The following SLC1A2 variants were observed in gnomAD, a reference collection of about 807,000 sequenced individuals.
SLC1A2 encodes the protein solute carrier family 1 member 2.
SLC1A2 carries 15 observed loss-of-function variants against 48.8 expected under a neutral mutation model. The ratio of observed to expected loss-of-function variants is 0.31; its 90% CI spans 0.21 to 0.47. The LOEUF (loss-of-function observed/expected upper bound fraction) is 0.47. Among genes scored for constraint, SLC1A2 ranks in the 20% least tolerant of loss-of-function variants. SLC1A2 has a pLI of 0.99. For synonymous variants in SLC1A2, 279 were observed against 272.6 expected (o/e 1.02, Z -0.23); for missense variants, 502 against 730.5 (o/e 0.69, Z 3.61).
rs183917052 is a variant in SLC1A2 at position 35,315,075 on chromosome 11, C to G, written c.258G>C (p.Met86Ile). 6.2e-7 allele frequency: 1 copy of G among 1,613,186 alleles called. No individual in the cohort carries two copies. Among genetic ancestry groups the G allele is most frequent in the African/African-American group, 1.3e-5 (1 of 74,998 alleles). ...GGAGAATGAGCATTTTTAGCATCCT[C>G]ATGAGTATATCCCCTGGGAAGGCTA... is the stretch of plus-strand genomic sequence containing the variant. ...MLIAFPGDIL[M>I]RMLKMLILPL... Residue 86 changes from methionine (M) to isoleucine (I), a missense_variant, in exon 3 of 11, where the codon ATG (methionine) becomes ATC (isoleucine). Met to Ile is a conservative substitution (Grantham distance 10). Transcript: ENST00000278379.
At chr11:35,310,971 C>T (rs1244629221) in intron 4 of SLC1A2, among the ~76,000 whole-genome samples, 1 of 152,050 alleles carries the variant, frequency 6.6e-6, no homozygotes, top group Non-Finnish European at 1.5e-5. Context: ...ATACAAAACT[C>T]CTTGTCCTGA....
intron 1 of SLC1A2, 45 bp from the exon 2 acceptor site, chr11:35,317,561 C>T: frequency 6.3e-7 from 1 of 1,586,320 alleles, no homozygotes; most frequent in Non-Finnish European, 8.6e-7. Flanking sequence ...TGGCACCTCC[C>T]CTATACAGTT....
Position 35,251,634 on chromosome 11 carries a change from A to C in SLC1A2, c.*9260T>G, listed in dbSNP as rs1015312401. The C allele has an allele frequency of 3.3e-5, 5 of 152,558 alleles. No individual in the cohort carries two copies. The highest frequency in any genetic ancestry group is 1.2e-4 in the African/African-American group (5 of 41,460). The allele number at this position is 152,558 out of a possible 1,614,324, so 9.5% of individuals were successfully genotyped here. ...TCAAAGAGAATCCTGCATAAAGCCCAGTTTTATTTCAGGAAGTATTCCATC... is the reference window on the plus strand; with the variant it reads ...TCAAAGAGAATCCTGCATAAAGCCCCGTTTTATTTCAGGAAGTATTCCATC... On this transcript the variant is annotated 3_prime_UTR_variant, in exon 11 of 11. Transcript: ENST00000278379.
At chr11:35,280,608 G>A (rs539922994) in intron 9 of SLC1A2, 1 of 416,700 alleles carries the variant, frequency 2.4e-6, no homozygotes, top group Non-Finnish European at 4.2e-6. Context: ...ATCAGTAGCT[G>A]GTTCCTTATT....
At chr11:35,380,896 T>G (rs7101653) in intron 1 of SLC1A2, among the ~76,000 whole-genome samples, 9 of 152,230 alleles carry the variant, frequency 5.9e-5, no homozygotes, top group Admixed American at 4.6e-4. Context: ...GGATTCACAG[T>G]GACTGCTAAA....
At chr11:35,351,255 T>C (rs949610573) in intron 1 of SLC1A2, among the ~76,000 whole-genome samples, 1 of 152,250 alleles carries the variant, frequency 6.6e-6, no homozygotes, top group African/African-American at 2.4e-5. Flanking sequence ...AGGAATGCTT[T>C]ACTTACGAGC....
chr11:35,381,401 C>T (rs1854418397), intron 1 of SLC1A2, among the ~76,000 whole-genome samples: 1 of 152,148 alleles, frequency 6.6e-6, no homozygotes, highest in Non-Finnish European at 1.5e-5. Context: ...CCTGAAAGGA[C>T]AACAACCCAG....
In SLC1A2 at chr11:35,355,418, G is replaced by A. The variant is rs757791519; in HGVS notation, c.18-37902C>T. On this transcript the variant is annotated intron_variant, in intron 1 of 10. Coordinates refer to ENST00000278379, the MANE Select transcript of SLC1A2 (RefSeq NM_004171.4). ...TTTTTTCTGTGTTTTTCCATAATTCGCACCATTTCAGATGATTAGCACTTG... is the reference window on the plus strand; with the variant it reads ...TTTTTTCTGTGTTTTTCCATAATTCACACCATTTCAGATGATTAGCACTTG... 2.0e-3 allele frequency among the ~76,000 whole-genome samples: 311 copies of A among 151,968 alleles called. 6 individuals carry two copies. Among genetic ancestry groups the A allele is most frequent in the Non-Finnish European group, 1.8e-3 (124 of 67,996 alleles).
intron 1 of SLC1A2, among the ~76,000 whole-genome samples, chr11:35,330,278 C>T (rs1852385664): frequency 6.6e-6 from 1 of 152,216 alleles, no homozygotes. Flanking sequence ...CTGGTCACTT[C>T]CCCACTCCCC....
intron 1 of SLC1A2, among the ~76,000 whole-genome samples, chr11:35,351,091 T>C (rs1853233755): frequency 6.6e-6 from 1 of 152,232 alleles, no homozygotes; most frequent in African/African-American, 2.4e-5. Context: ...ATTCATTGAG[T>C]ACTTACTCTG....
intron 9 of SLC1A2, among the ~76,000 whole-genome samples, chr11:35,271,610 G>A (rs1850281032): frequency 1.3e-5 from 2 of 152,200 alleles, no homozygotes; most frequent in Non-Finnish European, 2.9e-5. Flanking sequence ...CTGGGAGGCT[G>A]AGGTGGGTGG....
intron 1 of SLC1A2, among the ~76,000 whole-genome samples, chr11:35,342,909 T>G (rs2135043517): frequency 6.6e-6 from 1 of 152,348 alleles, no homozygotes; most frequent in Non-Finnish European, 1.5e-5. Flanking sequence ...CCATTCACAC[T>G]CAAGTTCATG....
intron 1 of SLC1A2, among the ~76,000 whole-genome samples, chr11:35,357,268 A>G (rs1853510594): frequency 6.6e-6 from 1 of 152,006 alleles, no homozygotes. Flanking sequence ...AAAAAAAAAA[A>G]AAAAAGTAAG....
intron 1 of SLC1A2, among the ~76,000 whole-genome samples, chr11:35,377,586 T>A (rs1049018362): frequency 2.0e-5 from 3 of 152,098 alleles, no homozygotes; most frequent in Non-Finnish European, 2.9e-5. Flanking sequence ...AGCCCACACA[T>A]CCCTGATGGC....
At chr11:35,289,310 T>C (rs1408128424) in intron 7 of SLC1A2, among the ~76,000 whole-genome samples, 1 of 151,952 alleles carries the variant, frequency 6.6e-6, no homozygotes, top group South Asian at 2.1e-4. Flanking sequence ...CATTTTTTTT[T>C]TTCTTCTCTG....
intron 1 of SLC1A2, among the ~76,000 whole-genome samples, chr11:35,382,955 G>T (rs1055234798): frequency 2.0e-5 from 3 of 152,030 alleles, no homozygotes; most frequent in African/African-American, 7.2e-5. Context: ...CTACCTGCAC[G>T]CTCCAAAAGT....
At chr11:35,310,405 T>C (rs1431472953) in intron 4 of SLC1A2, among the ~76,000 whole-genome samples, 1 of 152,244 alleles carries the variant, frequency 6.6e-6, no homozygotes, top group Admixed American at 6.5e-5. Flanking sequence ...TGGAGCCCAC[T>C]AAGCACCTTC....
At chr11:35,394,128 TCTAA>T (rs1221510684) in intron 1 of SLC1A2, among the ~76,000 whole-genome samples, 1 of 151,280 alleles carries the variant, frequency 6.6e-6, no homozygotes, top group Non-Finnish European at 1.5e-5. Flanking sequence ...AACCCTAGGG[TCTAA>T]CTTTTTTTTT....
intron 1 of SLC1A2, among the ~76,000 whole-genome samples, chr11:35,348,774 T>C (rs1853131147): frequency 6.7e-6 from 1 of 149,754 alleles, no homozygotes; most frequent in Non-Finnish European, 1.5e-5. Flanking sequence ...CCCCTGTAAA[T>C]CCCAGCTACT....
Sources: gnomAD v4.1 joint callset for allele counts (sites outside exome capture counted in the v4.1 genomes callset) on GRCh38, gnomAD v4.1.1 for gene constraint, MANE v1.5 for transcripts, NCBI Gene and HGNC (gene_info 2026-07-23, HGNC 2026-07-21) for gene names.